ROBO1: variants seen among roughly 807,000 people sequenced by gnomAD.
ROBO1 encodes roundabout homolog 1.
ROBO1 carries 149 observed loss-of-function variants against 195.9 expected under a neutral mutation model. The observed-to-expected ratio is 0.76, with a 90% CI of 0.67 to 0.87. The LOEUF is 0.87. Among genes scored for constraint, ROBO1 ranks in the 40% least tolerant of loss-of-function variants. The pLI is 0.00. For synonymous variants in ROBO1, 816 were observed against 733.2 expected, an observed-to-expected ratio of 1.11 and a Z score of -1.82; for missense variants, 1,933 against 2,068.3, an observed-to-expected ratio of 0.93 and a Z score of 1.27.
At chr3:79,178,374 C>T (rs2081289349) in intron 2 of ROBO1, among the ~76,000 whole-genome samples, 1 of 152,154 alleles carries the variant, frequency 6.6e-6, no homozygotes. Context: ...TCTACAAATT[C>T]TCCCAATGTG....
chr3:79,683,757 T>A (rs980804987), intron 1 of ROBO1, among the ~76,000 whole-genome samples: 3 of 152,150 alleles, frequency 2.0e-5, no homozygotes, highest in African/African-American at 7.2e-5. Context: ...GATTCATCCA[T>A]GTTGCAGCAT....
At chr3:78,861,772 A>C (rs977580252) in intron 4 of ROBO1, among the ~76,000 whole-genome samples, 2 of 152,164 alleles carry the variant, frequency 1.3e-5, no homozygotes, top group Non-Finnish European at 2.9e-5. Flanking sequence ...CCTTGTTTAT[A>C]GCTCTGAAAT....
chr3:79,679,948 G>A (rs1454510398), intron 1 of ROBO1, among the ~76,000 whole-genome samples: 1 of 151,982 alleles, frequency 6.6e-6, no homozygotes, highest in Non-Finnish European at 1.5e-5. Flanking sequence ...CACGTCACAT[G>A]TCATGTTGGG....
chr3:79,335,825 G>A (rs1229772039), intron 2 of ROBO1, among the ~76,000 whole-genome samples: 4 of 152,172 alleles, frequency 2.6e-5, no homozygotes, highest in Admixed American at 2.6e-4. Flanking sequence ...AGGAAGATGT[G>A]GGAAACTTTG....
chr3:79,316,799 C>G (rs1023375829), intron 2 of ROBO1, among the ~76,000 whole-genome samples: 6 of 151,926 alleles, frequency 3.9e-5, no homozygotes, highest in Non-Finnish European at 7.4e-5. Flanking sequence ...CAAGATTATG[C>G]CACTCTGAAA....
intron 1 of ROBO1, among the ~76,000 whole-genome samples, chr3:79,668,344 T>A (rs535043864): frequency 6.6e-6 from 1 of 151,578 alleles, no homozygotes; most frequent in African/African-American, 2.4e-5. Flanking sequence ...ATGGTGTTTT[T>A]TTTTGTTTTG....
intron 3 of ROBO1, among the ~76,000 whole-genome samples, chr3:79,017,842 C>T (rs556032839): frequency 6.6e-6 from 1 of 152,214 alleles, no homozygotes; most frequent in Admixed American, 6.5e-5. Flanking sequence ...TATATCCTAC[C>T]TTAAGAAGGA....
chr3:79,410,846 A>T (rs528521139), intron 2 of ROBO1, among the ~76,000 whole-genome samples: 14 of 152,130 alleles, frequency 9.2e-5, no homozygotes, highest in Non-Finnish European at 1.6e-4. Context: ...TCTCCACCAC[A>T]GCTTTCCAAC....
chr3:79,547,925 T>G (rs906444328), intron 2 of ROBO1, among the ~76,000 whole-genome samples: 2 of 152,174 alleles, frequency 1.3e-5, no homozygotes, highest in African/African-American at 2.4e-5. Context: ...TGATGTGACT[T>G]ATTTTTCCTC....
chr3:78,872,101 A>G (rs1440518680), intron 4 of ROBO1, among the ~76,000 whole-genome samples: 1 of 152,198 alleles, frequency 6.6e-6, no homozygotes, highest in South Asian at 2.1e-4. Flanking sequence ...AGATGTGAGC[A>G]TAAGTTGCCT....
chr3:79,516,206 T>A (rs1033294953), intron 2 of ROBO1, among the ~76,000 whole-genome samples: 1 of 152,190 alleles, frequency 6.6e-6, no homozygotes, highest in Admixed American at 6.5e-5. Flanking sequence ...TTAGTATAAT[T>A]AAAATAATTC....
At chr3:78,838,225 A>G (rs2032905572) in intron 4 of ROBO1, among the ~76,000 whole-genome samples, 1 of 152,194 alleles carries the variant, frequency 6.6e-6, no homozygotes, top group Non-Finnish European at 1.5e-5. Flanking sequence ...GGTCATTATA[A>G]AAGAAACTGC....
intron 22 of ROBO1, among the ~76,000 whole-genome samples, chr3:78,636,880 T>C (rs1705533044): frequency 7.0e-6 from 1 of 143,426 alleles, no homozygotes; most frequent in Non-Finnish European, 1.5e-5. Context: ...TTCTCTCTAT[T>C]GAAATATTTG....
At chr3:79,116,932 T>G (rs2080015192) in intron 3 of ROBO1, among the ~76,000 whole-genome samples, 1 of 152,242 alleles carries the variant, frequency 6.6e-6, no homozygotes, top group African/African-American at 2.4e-5. Context: ...GCATTACTAT[T>G]TTTAATTGCT....
At position 79,024,528 on chromosome 3, in the gene ROBO1, TCA is replaced by T. The variant is rs202147634; in HGVS notation, c.173-85603_173-85602del. Reference sequence around the variant, plus strand: ...GTAGCCAGGGAACTTATATTTGAGCTCAGTTTGTTTTGAACCAAAGCACTTGA... The same window carrying T: ...GTAGCCAGGGAACTTATATTTGAGCTGTTTGTTTTGAACCAAAGCACTTGA... On this transcript the variant is annotated intron_variant, in intron 3 of 30. Transcript: ENST00000464233. Among the ~76,000 whole-genome samples the T allele has an allele frequency of 3.3e-4, 50 of 152,292 alleles. No homozygotes were observed. The East Asian group carries it at 8.9e-3, about 27-fold the overall frequency.
At chr3:79,523,243 A>G (rs1941285652) in intron 2 of ROBO1, among the ~76,000 whole-genome samples, 1 of 152,030 alleles carries the variant, frequency 6.6e-6, no homozygotes, top group Non-Finnish European at 1.5e-5. Flanking sequence ...CCTTTAGTTA[A>G]AGAAACTACA....
intron 3 of ROBO1, among the ~76,000 whole-genome samples, chr3:79,072,136 G>A (rs914328959): frequency 6.6e-6 from 1 of 151,488 alleles, no homozygotes; most frequent in Non-Finnish European, 1.5e-5. Context: ...TTTTCATTTT[G>A]ACATACTCAG....
intron 1 of ROBO1, among the ~76,000 whole-genome samples, chr3:79,711,798 G>A (rs1044039165): frequency 1.1e-4 from 16 of 152,132 alleles, no homozygotes; most frequent in Admixed American, 5.9e-4. Flanking sequence ...TACATTATGC[G>A]TTCCCTTCCT....
At chr3:78,887,646 G>A (rs2036643687) in intron 4 of ROBO1, among the ~76,000 whole-genome samples, 1 of 152,128 alleles carries the variant, frequency 6.6e-6, no homozygotes, top group African/African-American at 2.4e-5. Context: ...TGCAAAAGGG[G>A]AAGCCTAGCA....
Sources: gnomAD v4.1 joint callset for allele counts (sites outside exome capture counted in the v4.1 genomes callset) on GRCh38, gnomAD v4.1.1 for gene constraint, MANE v1.5 for transcripts, NCBI Gene and HGNC (gene_info 2026-07-23, HGNC 2026-07-21) for gene names.